Variants in MYLK3 observed in about 807,000 individuals in gnomAD.
The protein encoded by MYLK3 is myosin light chain kinase 3.
Under a neutral mutation model 76.3 loss-of-function variants are expected in MYLK3, and 55 were observed. The observed-to-expected ratio is 0.72, with a 90% CI of 0.58 to 0.90. The LOEUF (loss-of-function observed/expected upper bound fraction) is 0.90. Among genes scored for constraint, MYLK3 ranks in the 40% least tolerant of loss-of-function variants. The pLI is 0.00. For missense variants in MYLK3, 973 were observed against 1,053.6 expected (o/e 0.92, Z 1.06); for synonymous variants, 416 against 425.4 (o/e 0.98, Z 0.27).
chr16:46,712,793 G>A lies in MYLK3; in HGVS notation c.1986-17C>T. 1.9e-6 allele frequency: 3 copies of A among 1,569,750 alleles called. No individual in the cohort carries two copies. Among genetic ancestry groups the A allele is most frequent in the South Asian group, 2.4e-5 (2 of 84,062 alleles). On this transcript the variant is annotated splice_polypyrimidine_tract_variant and intron_variant, in intron 9 of 12. Coordinates refer to ENST00000394809, the MANE Select transcript of MYLK3 (RefSeq NM_182493.3). ...GGCTTGTACCTGGGGAGAAGGGGAG[G>A]GTACAAAGAAGCATGGGGTGAGGCC...
At chr16:46,712,107 C>A (rs574652754) in intron 10 of MYLK3, among the ~76,000 whole-genome samples, 2 of 151,718 alleles carry the variant, frequency 1.3e-5, no homozygotes, top group South Asian at 4.2e-4. Flanking sequence ...CCTCCCACCT[C>A]AGTCTCCCTA....
At chr16:46,716,355 G>A (rs1044436729) in intron 9 of MYLK3, among the ~76,000 whole-genome samples, 1 of 150,772 alleles carries the variant, frequency 6.6e-6, no homozygotes, top group Admixed American at 6.6e-5. Context: ...GATATATATA[G>A]CCCGCATATA....
intron 1 of MYLK3, among the ~76,000 whole-genome samples, chr16:46,743,470 C>T (rs1488979644): frequency 6.6e-6 from 1 of 152,184 alleles, no homozygotes; most frequent in Non-Finnish European, 1.5e-5. Context: ...CCTGCCCTGG[C>T]CTCAGAACAC....
At chr16:46,753,096 G>A (rs1156712950), upstream of MYLK3, among the ~76,000 whole-genome samples, 1 of 152,156 alleles carries the variant, frequency 6.6e-6, no homozygotes, top group Non-Finnish European at 1.5e-5. Context: ...GGTAACTGGA[G>A]AAACAAGAAA....
At chr16:46,761,997 C>G (rs1967281772) in intron 1 of MYLK3, among the ~76,000 whole-genome samples, 1 of 151,856 alleles carries the variant, frequency 6.6e-6, no homozygotes, top group Non-Finnish European at 1.5e-5. Context: ...GTGTTTACCA[C>G]TTCTGGGAAG....
intron 1 of MYLK3, among the ~76,000 whole-genome samples, chr16:46,741,100 G>A (rs1385080170): frequency 1.3e-5 from 2 of 152,160 alleles, no homozygotes; most frequent in Non-Finnish European, 2.9e-5. Context: ...TTCACCACTT[G>A]GCCAAGATCC....
upstream of MYLK3, among the ~76,000 whole-genome samples, chr16:46,753,176 C>T (rs997069652): frequency 6.6e-6 from 1 of 152,198 alleles, no homozygotes; most frequent in Non-Finnish European, 1.5e-5. Context: ...ATGGAGCCAG[C>T]TTTCCCTGTA....
intron 7 of MYLK3, 58 bp from the exon 8 acceptor site, chr16:46,727,435 C>A: frequency 6.5e-7 from 1 of 1,547,094 alleles, no homozygotes; most frequent in Non-Finnish European, 8.8e-7. Context: ...CAGGGCTTGT[C>A]CACTGTCATT....
At chr16:46,747,435 A>G (rs1405027175) in intron 1 of MYLK3, among the ~76,000 whole-genome samples, 1 of 152,122 alleles carries the variant, frequency 6.6e-6, no homozygotes, top group East Asian at 1.9e-4. Context: ...CTCCCTCCCA[A>G]ACCGCCAGCG....
At chr16:46,712,811 G>C in intron 9 of MYLK3, 35 bp from the exon 10 acceptor site, 1 of 1,538,774 alleles carries the variant, frequency 6.5e-7, no homozygotes, top group Non-Finnish European at 8.7e-7. Context: ...GAAGCATGGG[G>C]TGAGGCCTGG....
At position 46,747,882 on chromosome 16, in the gene MYLK3, C is replaced by T. The variant is rs746102896; in HGVS notation, c.312G>A (p.Ala104=). ...LELVRAMQQD[A]AQHGARLEAL... ...CCTCCAGCCTGGCACCGTGCTGGGC[C>T]GCATCCTGCTGCATGGCCCTCACCA... is the stretch of plus-strand genomic sequence containing the variant. The change falls in exon 1 of 13, where the codon GCG becomes GCA. Residue 104 remains alanine, a synonymous_variant. Transcript: ENST00000394809. The T allele has an allele frequency of 5.6e-6, 9 of 1,614,026 alleles. No individual in the cohort carries two copies. The highest frequency in any genetic ancestry group is 4.5e-5 in the East Asian group (2 of 44,886).
chr16:46,747,189 C>A (rs1371689569), intron 1 of MYLK3, among the ~76,000 whole-genome samples: 1 of 152,226 alleles, frequency 6.6e-6, no homozygotes, highest in Non-Finnish European at 1.5e-5. Flanking sequence ...CACCCTCCAC[C>A]CCCAGGCTCC....
chr16:46,732,429 G>T lies in MYLK3; in HGVS notation c.1241C>A (p.Ala414Glu), dbSNP rs1395938846. 2 of 1,613,086 alleles carry T rather than the reference G, an allele frequency of 1.2e-6. No individual in the cohort carries two copies. The highest frequency in any genetic ancestry group is 3.3e-5 in the Admixed American group (2 of 60,014). ...GGCCCCAGCCCTTTGCTCCTCCTCT[G>T]CCTTCACTCCCCCGGGGCTGCTGCT... is the stretch of plus-strand genomic sequence containing the variant. The part of the protein sequence containing the change: ...QESSSPGGVK[A>E]EEEQRAGAEP... Residue 414 changes from alanine to glutamate, a missense_variant, in exon 4 of 13, where the codon GCA (alanine) becomes GAA (glutamate). Ala to Glu is a moderately radical substitution (Grantham distance 107). Coordinates refer to ENST00000394809, the MANE Select transcript of MYLK3 (RefSeq NM_182493.3).
intron 1 of MYLK3, among the ~76,000 whole-genome samples, chr16:46,758,172 G>A (rs1383906926): frequency 6.6e-6 from 1 of 151,842 alleles, no homozygotes; most frequent in Non-Finnish European, 1.5e-5. Context: ...ACATGCCAGG[G>A]AGGGCTCCCT....
intron 1 of MYLK3, among the ~76,000 whole-genome samples, chr16:46,760,125 C>T (rs1967257635): frequency 6.6e-6 from 1 of 152,234 alleles, no homozygotes; most frequent in Non-Finnish European, 1.5e-5. Context: ...GATCTCTGCT[C>T]ATCCAAGGGG....
Position 46,727,254 on chromosome 16 carries a change from G to A in MYLK3, c.1896C>T (p.Ile632=). Residue 632 remains isoleucine (I), a synonymous_variant, in exon 8 of 13, where the codon ATC becomes ATT. Transcript: ENST00000394809. ...AACCCACCTTGAGGTCCAGGTGCAGGATGTAGTGCTGGTGCAGGTAATGCA... is the reference window on the plus strand; with the variant it reads ...AACCCACCTTGAGGTCCAGGTGCAGAATGTAGTGCTGGTGCAGGTAATGCA... ...EGVHYLHQHY[I]LHLDLKPENI... 6 of 1,613,944 alleles carry A rather than the reference G, an allele frequency of 3.7e-6. No homozygotes were observed. Among genetic ancestry groups the A allele is most frequent in the Non-Finnish European group, 5.1e-6 (6 of 1,179,844 alleles).
At chr16:46,744,736 G>A (rs992932095) in intron 1 of MYLK3, among the ~76,000 whole-genome samples, 5 of 151,874 alleles carry the variant, frequency 3.3e-5, no homozygotes, top group African/African-American at 1.2e-4. Flanking sequence ...GCAGTGGCTC[G>A]TGCCTATAAT....
chr16:46,734,617 TCA>T (rs759460427), intron 3 of MYLK3, among the ~76,000 whole-genome samples: 3 of 150,878 alleles, frequency 2.0e-5, no homozygotes, highest in East Asian at 1.9e-4. Context: ...TGAGACTCCA[TCA>T]CACACACACA....
At chr16:46,751,694 G>A (rs1271243928), upstream of MYLK3, among the ~76,000 whole-genome samples, 1 of 152,212 alleles carries the variant, frequency 6.6e-6, no homozygotes, top group Admixed American at 6.5e-5. Flanking sequence ...CACAGGGCAG[G>A]AAACCCTGAC....
Sources: allele counts gnomAD v4.1 joint callset (sites outside exome capture counted in the v4.1 genomes callset), GRCh38; gene constraint gnomAD v4.1.1; transcripts MANE v1.5; gene names NCBI Gene and HGNC (gene_info 2026-07-23, HGNC 2026-07-21).